The following PATJ variants were observed in gnomAD, a reference collection of about 807,000 sequenced individuals.
PATJ encodes the protein PATJ crumbs cell polarity complex component.
PATJ carries 190 observed loss-of-function variants against 224.9 expected under a neutral mutation model. The ratio of observed to expected loss-of-function variants is 0.84; its 90% CI spans 0.75 to 0.95. The LOEUF (loss-of-function observed/expected upper bound fraction) is 0.95, where lower values mean the gene tolerates loss of function less well. Among genes scored for constraint, PATJ ranks in the 40% least tolerant of loss-of-function variants. The probability of loss-of-function intolerance (pLI) is 0.00; values close to 1 mark genes in which losing one functional copy is unlikely to be tolerated. For synonymous variants in PATJ, 769 were observed against 820.3 expected (o/e 0.94, Z 1.07); for missense variants, 2,121 against 2,270.3 (o/e 0.93, Z 1.34).
intron 43 of PATJ, among the ~76,000 whole-genome samples, chr1:62,157,966 T>G (rs1669417741): frequency 6.7e-6 from 1 of 149,388 alleles, no homozygotes. Flanking sequence ...AGGAGCAGTT[T>G]TTCAGAGCCT....
intron 7 of PATJ, among the ~76,000 whole-genome samples, chr1:61,782,278 C>T (rs1397590720): frequency 1.3e-5 from 2 of 152,118 alleles, no homozygotes; most frequent in African/African-American, 2.4e-5. Flanking sequence ...AAATAAGAGG[C>T]TGTGTGAAAA....
At chr1:61,965,797 G>A (rs1267354221) in intron 27 of PATJ, among the ~76,000 whole-genome samples, 3 of 152,236 alleles carry the variant, frequency 2.0e-5, no homozygotes, top group Non-Finnish European at 2.9e-5. Flanking sequence ...CACAGTAGGA[G>A]AGATTTGTAC....
At chr1:62,004,746 G>T (rs538391205) in intron 28 of PATJ, among the ~76,000 whole-genome samples, 1 of 152,180 alleles carries the variant, frequency 6.6e-6, no homozygotes, top group East Asian at 1.9e-4. Context: ...TTTATTAAAT[G>T]GTACTATTAT....
intron 7 of PATJ, among the ~76,000 whole-genome samples, chr1:61,784,603 T>C (rs1391459641): frequency 6.6e-6 from 1 of 152,254 alleles, no homozygotes; most frequent in African/African-American, 2.4e-5. Context: ...ATATACTTTA[T>C]GATAAAATGC....
Position 61,775,828 on chromosome 1 carries a change from G to A in PATJ, c.849+494G>A, listed in dbSNP as rs540801579. ...TGAAAGTGGGCTATTAAAAAAATTA[G>A]CAACTGTTTCTGCTTAATTTTATAT... On this transcript the variant is annotated intron_variant, in intron 7 of 43. Coordinates refer to ENST00000642238, the MANE Select transcript of PATJ (RefSeq NM_001350145.3). Among the ~76,000 whole-genome samples, 37 of 152,170 alleles carry A rather than the reference G, an allele frequency of 2.4e-4. No individual in the cohort carries two copies. In the South Asian group the frequency reaches 6.9e-3, roughly 28 times the overall value.
At position 62,036,871 on chromosome 1, in the gene PATJ, C is replaced by CAAAAAAAAAAAAAAAAAAAAAAA. The variant is rs55761910; in HGVS notation, c.3960-1096_3960-1095insAAAAAAAAAAAAAAAAAAAAAAA. Among the ~76,000 whole-genome samples, 219 of 67,316 alleles carry CAAAAAAAAAAAAAAAAAAAAAAA rather than the reference C, an allele frequency of 3.3e-3. 15 individuals are homozygous for CAAAAAAAAAAAAAAAAAAAAAAA. The highest frequency in any genetic ancestry group is 4.1e-3 in the African/African-American group (73 of 17,894). The allele number at this position is 67,316 out of a possible 152,430, so 44.2% of individuals were successfully genotyped here. The stretch of plus-strand genomic sequence containing the variant: ...TTGGTGACAAAGTGAGACTCCATCT[C>CAAAAAAAAAAAAAAAAAAAAAAA]AAAAAAAAAAGAAGGAAGAAAGGAA... On this transcript the variant is annotated intron_variant, in intron 29 of 43. Transcript: ENST00000642238.
intron 27 of PATJ, among the ~76,000 whole-genome samples, chr1:61,931,887 A>G (rs1021332139): frequency 6.6e-6 from 1 of 152,238 alleles, no homozygotes; most frequent in African/African-American, 2.4e-5. Flanking sequence ...TAACCAGTAT[A>G]GATGCACACA....
chr1:61,821,239 G>T (rs11581315), intron 14 of PATJ, among the ~76,000 whole-genome samples: 18,008 of 152,018 alleles, frequency 0.12, 1,164 homozygotes, highest in South Asian at 0.21. Context: ...TAGAGACAGG[G>T]TTTCACCGTG....
At chr1:62,036,899 AAGGG>A (rs1428556210) in intron 29 of PATJ, among the ~76,000 whole-genome samples, 6 of 136,174 alleles carry the variant, frequency 4.4e-5, no homozygotes, top group Non-Finnish European at 7.9e-5. Flanking sequence ...GAAAGGAAGG[AAGGG>A]AGGGAGGGAG....
Position 61,990,206 on chromosome 1 carries a change from C to T in PATJ, c.3709C>T (p.Leu1237=). 6.2e-7 allele frequency: 1 copy of T among 1,611,918 alleles called. No homozygotes were observed. The highest frequency in any genetic ancestry group is 8.5e-7 in the Non-Finnish European group (1 of 1,179,366). ...AAGATATGCAGATCTGCCTGGAGAACTGCACATTATTGAACTTGAAAAAGA... is the reference window on the plus strand; with the variant it reads ...AAGATATGCAGATCTGCCTGGAGAATTGCACATTATTGAACTTGAAAAAGA... ...RQRYADLPGE[L]HIIELEKDKN... The change falls in exon 28 of 44, where the codon CTG becomes TTG. Residue 1237 remains leucine, a synonymous_variant. Coordinates refer to ENST00000642238, the MANE Select transcript of PATJ (RefSeq NM_001350145.3).
At position 62,089,224 on chromosome 1, in the gene PATJ, C is replaced by T. The variant is rs74558484; in HGVS notation, c.4377+4576C>T. On this transcript the variant is annotated intron_variant, in intron 33 of 43. Transcript: ENST00000642238. Reference sequence around the variant, plus strand: ...ACCTGGGTTGGTTGGAATACCTGAACGAGATGTGTCTTCTGTGCTGCTCTT... The same window carrying T: ...ACCTGGGTTGGTTGGAATACCTGAATGAGATGTGTCTTCTGTGCTGCTCTT... 8.9e-3 allele frequency among the ~76,000 whole-genome samples: 1,355 copies of T among 152,164 alleles called. 21 individuals are homozygous for T. Among genetic ancestry groups the T allele is most frequent in the East Asian group, 0.079 (409 of 5,178 alleles).
intron 20 of PATJ, among the ~76,000 whole-genome samples, chr1:61,866,606 G>A (rs1665461061): frequency 6.6e-6 from 1 of 151,848 alleles, no homozygotes; most frequent in Non-Finnish European, 1.5e-5. Flanking sequence ...CTTATCTCAA[G>A]TGTCATTTGT....
intron 14 of PATJ, among the ~76,000 whole-genome samples, chr1:61,813,466 C>T (rs569708036): frequency 4.7e-5 from 7 of 150,286 alleles, no homozygotes; most frequent in African/African-American, 1.7e-4. Context: ...TTGAGTTGAA[C>T]ACACTTTCAG....
intron 27 of PATJ, among the ~76,000 whole-genome samples, chr1:61,943,032 A>G (rs895029665): frequency 5.3e-5 from 8 of 152,248 alleles, no homozygotes; most frequent in Non-Finnish European, 1.2e-4. Flanking sequence ...AACTGGTGAC[A>G]GGATATACAT....
intron 27 of PATJ, among the ~76,000 whole-genome samples, chr1:61,972,168 T>C (rs1384306177): frequency 1.3e-5 from 2 of 151,972 alleles, no homozygotes; most frequent in African/African-American, 4.8e-5. Context: ...TTCCTTTATG[T>C]TTTATATATG....
intron 27 of PATJ, among the ~76,000 whole-genome samples, chr1:61,973,409 A>C (rs1380231825): frequency 6.6e-6 from 1 of 152,100 alleles, no homozygotes; most frequent in East Asian, 1.9e-4. Flanking sequence ...TGCAGAGAGA[A>C]GTTCCACGCT....
chr1:61,952,075 A>G (rs1679765153), intron 27 of PATJ: 12 of 353,794 alleles, frequency 3.4e-5, no homozygotes, highest in Non-Finnish European at 1.0e-5. Flanking sequence ...AGCGTGAAGC[A>G]TCCAAGGGTC....
chr1:61,988,472 C>A (rs565667995), intron 27 of PATJ, among the ~76,000 whole-genome samples: 2 of 152,098 alleles, frequency 1.3e-5, no homozygotes, highest in African/African-American at 4.8e-5. Context: ...GGTTGCCGAC[C>A]AGCAAAAATG....
chr1:62,127,930 C>G lies in PATJ; in HGVS notation c.5044-42C>G, dbSNP rs764078126. ...ATCTAGGGATAGTCAGTTTGTGGCT[C>G]TTTATTAAATATAAAAGCATTATGT... On this transcript the variant is annotated intron_variant, in intron 39 of 43. Coordinates refer to ENST00000642238, the MANE Select transcript of PATJ (RefSeq NM_001350145.3). 11 of 1,609,412 alleles carry G rather than the reference C, an allele frequency of 6.8e-6. No homozygotes were observed. In the Admixed American group the frequency reaches 1.8e-4, roughly 27 times the overall value.
Sources: allele counts gnomAD v4.1 joint callset (sites outside exome capture counted in the v4.1 genomes callset), GRCh38; gene constraint gnomAD v4.1.1; transcripts MANE v1.5; gene names NCBI Gene and HGNC (gene_info 2026-07-23, HGNC 2026-07-21).